EYS: variants seen among roughly 807,000 people sequenced by gnomAD.
EYS encodes the protein protein eyes shut homolog.
A neutral mutation model predicts 282.1 loss-of-function variants in EYS; 250 were observed. The observed-to-expected ratio is 0.89, with a 90% CI of 0.80 to 0.98. EYS has a LOEUF of 0.98. EYS is among the 50% of genes least tolerant of loss of function. The pLI is 0.00. For missense variants in EYS, 4,016 were observed against 3,709.0 expected (o/e 1.08, Z -2.15); for synonymous variants, 1,355 against 1,282.9 (o/e 1.06, Z -1.20).
intron 35 of EYS, among the ~76,000 whole-genome samples, chr6:63,881,300 C>T (rs1418030654): frequency 6.6e-6 from 1 of 152,126 alleles, no homozygotes. Flanking sequence ...TCCAAAACTG[C>T]TAGGCTCACT....
intron 26 of EYS, among the ~76,000 whole-genome samples, chr6:64,576,195 C>T (rs1236819970): frequency 6.6e-6 from 1 of 152,044 alleles, no homozygotes; most frequent in Admixed American, 6.6e-5. Flanking sequence ...CAGTGAAAAA[C>T]CTGTAGTAAG....
intron 22 of EYS, among the ~76,000 whole-genome samples, chr6:64,761,598 T>A (rs1432006733): frequency 2.0e-5 from 3 of 152,118 alleles, no homozygotes; most frequent in Non-Finnish European, 4.4e-5. Flanking sequence ...CTGGGACTAC[T>A]GGCGCATGCC....
intron 30 of EYS, among the ~76,000 whole-genome samples, chr6:64,256,719 G>A (rs572418134): frequency 1.5e-3 from 235 of 152,114 alleles, no homozygotes; most frequent in Admixed American, 2.4e-3. Flanking sequence ...GTAGTAATTA[G>A]ATTTGTCATT....
intron 19 of EYS, among the ~76,000 whole-genome samples, chr6:64,869,233 CTA>C: frequency 6.6e-6 from 1 of 151,606 alleles, no homozygotes; most frequent in East Asian, 1.9e-4. Flanking sequence ...TTTGTTCAGA[CTA>C]TTATAATCCA....
At chr6:64,461,805 G>A (rs532590042) in intron 26 of EYS, among the ~76,000 whole-genome samples, 19 of 152,154 alleles carry the variant, frequency 1.2e-4, no homozygotes, top group Middle Eastern at 6.8e-3. Context: ...TATAAAAATT[G>A]TCATTTTAAA....
At chr6:63,875,089 T>G (rs1772932198) in intron 35 of EYS, among the ~76,000 whole-genome samples, 1 of 152,206 alleles carries the variant, frequency 6.6e-6, no homozygotes, top group South Asian at 2.1e-4. Flanking sequence ...GCCCATTCAG[T>G]ATGATATTGG....
chr6:64,232,452 C>T (rs769432579), intron 30 of EYS, among the ~76,000 whole-genome samples: 2 of 152,174 alleles, frequency 1.3e-5, no homozygotes, highest in African/African-American at 2.4e-5. Flanking sequence ...TGCAATGGTG[C>T]GATCTCAGCT....
In EYS at chr6:64,347,372, C is replaced by G. The variant is rs116718967; in HGVS notation, c.6079-40290G>C. 3.2e-3 allele frequency among the ~76,000 whole-genome samples: 482 copies of G among 151,368 alleles called. 1 individual carries two copies. The highest frequency in any genetic ancestry group is 0.011 in the African/African-American group (461 of 41,400). ...CAATTGAGGTTATACATTTTGAGGA[C>G]TTCTTAGCTTATAGAAATGTGTATA... is the stretch of plus-strand genomic sequence containing the variant. On this transcript the variant is annotated intron_variant, in intron 29 of 42. Transcript: ENST00000503581.
chr6:64,323,823 C>T (rs7774999), intron 29 of EYS, among the ~76,000 whole-genome samples: 109,069 of 151,980 alleles, frequency 0.72, 39,335 homozygotes, highest in African/African-American at 0.79. Context: ...CAGTAGATGC[C>T]GTGGTATCCA....
chr6:64,414,514 T>C (rs1260452385), intron 28 of EYS, among the ~76,000 whole-genome samples: 3 of 152,080 alleles, frequency 2.0e-5, no homozygotes, highest in African/African-American at 4.8e-5. Flanking sequence ...TCAATAACCA[T>C]TTGGCCAAAC....
chr6:64,413,145 C>T (rs1251676404), intron 28 of EYS, among the ~76,000 whole-genome samples: 2 of 152,152 alleles, frequency 1.3e-5, no homozygotes, highest in Non-Finnish European at 2.9e-5. Flanking sequence ...ATTCCCCACT[C>T]TCCCTTAAAG....
chr6:64,234,577 C>T (rs866995700), intron 30 of EYS, among the ~76,000 whole-genome samples: 2 of 151,754 alleles, frequency 1.3e-5, no homozygotes, highest in African/African-American at 2.4e-5. Context: ...CATAGTGTAC[C>T]CATTTAAACA....
intron 2 of EYS, among the ~76,000 whole-genome samples, chr6:65,638,720 G>A (rs1430636849): frequency 1.3e-5 from 2 of 152,186 alleles, no homozygotes; most frequent in Non-Finnish European, 2.9e-5. Flanking sequence ...TGGACCCCAC[G>A]CTCACTTTCT....
rs74983821 is a variant in EYS, at chr6:63,771,967, G to A, written c.7898+6039C>T. 4.4e-3 allele frequency among the ~76,000 whole-genome samples: 674 copies of A among 152,026 alleles called. 6 individuals carry two copies. Among genetic ancestry groups the A allele is most frequent in the African/African-American group, 0.016 (646 of 41,450 alleles). On this transcript the variant is annotated intron_variant, in intron 40 of 42. Transcript: ENST00000503581. ...TCTTTGTTAACATTCTTGCTTTTAGGCATAAAAAGATATCTAGGCTTATGT... is the reference window on the plus strand; with the variant it reads ...TCTTTGTTAACATTCTTGCTTTTAGACATAAAAAGATATCTAGGCTTATGT...
At chr6:64,140,125 G>T (rs1774293986) in intron 31 of EYS, among the ~76,000 whole-genome samples, 1 of 152,008 alleles carries the variant, frequency 6.6e-6, no homozygotes, top group Non-Finnish European at 1.5e-5. Context: ...AATGAAAAGG[G>T]GTGGTAATTA....
chr6:64,151,774 A>C (rs977363934), intron 31 of EYS, among the ~76,000 whole-genome samples: 2 of 152,214 alleles, frequency 1.3e-5, no homozygotes, highest in Non-Finnish European at 2.9e-5. Flanking sequence ...AGAAGCAGTA[A>C]TATTTGGAGG....
intron 40 of EYS, among the ~76,000 whole-genome samples, chr6:63,772,835 A>G (rs1407658546): frequency 2.0e-5 from 3 of 152,234 alleles, no homozygotes; most frequent in East Asian, 3.9e-4. Context: ...CCCTTACCCT[A>G]TAGATAACTA....
intron 11 of EYS, among the ~76,000 whole-genome samples, chr6:65,318,549 A>T (rs1451726613): frequency 4.8e-5 from 7 of 146,544 alleles, no homozygotes; most frequent in Admixed American, 2.7e-4. Context: ...TATATATATT[A>T]TATATATTTT....
intron 24 of EYS, among the ~76,000 whole-genome samples, chr6:64,600,202 C>T (rs1422226103): frequency 2.0e-5 from 3 of 152,196 alleles, no homozygotes; most frequent in East Asian, 3.9e-4. Flanking sequence ...GTTTACCTCA[C>T]TAACCTCTGG....
Sources: gnomAD v4.1 joint callset for allele counts (sites outside exome capture counted in the v4.1 genomes callset) on GRCh38, gnomAD v4.1.1 for gene constraint, MANE v1.5 for transcripts, NCBI Gene and HGNC (gene_info 2026-07-23, HGNC 2026-07-21) for gene names.